KAT2B: variants seen among roughly 807,000 people sequenced by gnomAD.
KAT2B encodes histone acetyltransferase KAT2B.
Under a neutral mutation model 105.9 loss-of-function variants are expected in KAT2B, and 36 were observed. The ratio of observed to expected loss-of-function variants is 0.34; its 90% CI spans 0.26 to 0.45. The LOEUF (loss-of-function observed/expected upper bound fraction) is 0.45. Among genes scored for constraint, KAT2B ranks in the 20% least tolerant of loss-of-function variants. The pLI is 1.00. For missense variants in KAT2B, 820 were observed against 1,021.6 expected (o/e 0.80, Z 2.69); for synonymous variants, 397 against 377.9 (o/e 1.05, Z -0.59).
intron 1 of KAT2B, among the ~76,000 whole-genome samples, chr3:20,060,563 T>C (rs1164303799): frequency 6.6e-6 from 1 of 152,014 alleles, no homozygotes; most frequent in African/African-American, 2.4e-5. Context: ...ATCACGCCAT[T>C]GCACTCCAGC....
At position 20,153,513 on chromosome 3, in the gene KAT2B, G is replaced by C. The variant is rs1559336471; in HGVS notation, c.*988G>C. ...TCTCTCCAGATAATGTTTATTGTCTGAGGTAAATTAAATTCCCACCAGGGT... is the reference window on the plus strand; with the variant it reads ...TCTCTCCAGATAATGTTTATTGTCTCAGGTAAATTAAATTCCCACCAGGGT... On this transcript the variant is annotated 3_prime_UTR_variant, in exon 18 of 18. Coordinates refer to ENST00000263754, the MANE Select transcript of KAT2B (RefSeq NM_003884.5). 1 of 152,556 alleles carries C rather than the reference G, an allele frequency of 6.6e-6. No individual in the cohort carries two copies. The highest frequency in any genetic ancestry group is 1.5e-5 in the Non-Finnish European group (1 of 67,980). The allele number at this position is 152,556 out of a possible 1,614,324, so 9.5% of individuals were successfully genotyped here.
In KAT2B at chr3:20,040,546, G is replaced by C; in HGVS notation, c.69G>C (p.Gly23=). The C allele has an allele frequency of 2.9e-6, 3 of 1,034,496 alleles. No homozygotes were observed. Among genetic ancestry groups the C allele is most frequent in the South Asian group, 4.4e-5 (1 of 22,588 alleles). 64.1% of individuals were successfully genotyped at this position (1,034,496 alleles called of 1,614,324 possible). A position where few individuals can be genotyped will look rare whatever the true frequency, so the allele number is the denominator to read the frequency against. The change falls in exon 1 of 18, where the codon GGG becomes GGC. Residue 23 remains glycine (G), a synonymous_variant. Coordinates refer to ENST00000263754, the MANE Select transcript of KAT2B (RefSeq NM_003884.5). ...GAGAGAGAGP[G]ALPPQPAALP... ...GAGCCGGGGCAGGGGCCGGGCCCGG[G>C]GCGCTGCCCCCGCAGCCTGCGGCGC...
intron 2 of KAT2B, 55 bp downstream of exon 2, chr3:20,072,514 C>T: frequency 6.4e-7 from 1 of 1,551,402 alleles, no homozygotes; most frequent in South Asian, 1.1e-5. Context: ...GCGTGAGACT[C>T]TTAACTTACT....
intron 1 of KAT2B, among the ~76,000 whole-genome samples, chr3:20,053,989 G>A (rs1291935052): frequency 6.6e-6 from 1 of 151,998 alleles, no homozygotes; most frequent in Non-Finnish European, 1.5e-5. Context: ...GTAGAGATGG[G>A]GTCTCGCCAT....
chr3:20,146,426 A>C lies in KAT2B; in HGVS notation c.2115A>C (p.Gly705=). The change falls in exon 14 of 18, where the codon GGA becomes GGC. Residue 705 remains glycine (G), a synonymous_variant. Transcript: ENST00000263754. ...AGATTCCTATAGAAAGCATTCCTGG[A>C]ATTAGTACGTATAGACCTTCTTTTA... is the stretch of plus-strand genomic sequence containing the variant. ...VRQIPIESIP[G]IRETGWKPSG... is the part of the protein sequence containing the mutation. 8.2e-6 allele frequency: 13 copies of C among 1,586,270 alleles called. No individual in the cohort carries two copies. Among genetic ancestry groups the C allele is most frequent in the Non-Finnish European group, 1.1e-5 (13 of 1,154,790 alleles).
chr3:20,139,347 A>C (rs1189423482), intron 12 of KAT2B, among the ~76,000 whole-genome samples: 1 of 152,116 alleles, frequency 6.6e-6, no homozygotes, highest in Non-Finnish European at 1.5e-5. Context: ...GGTAAAACTC[A>C]CTGAGAACTT....
At chr3:20,070,060 C>A (rs995577107) in intron 1 of KAT2B, among the ~76,000 whole-genome samples, 2 of 152,076 alleles carry the variant, frequency 1.3e-5, no homozygotes, top group East Asian at 3.9e-4. Context: ...GTTGGGCCTT[C>A]CTGATGCCTA....
intron 7 of KAT2B, among the ~76,000 whole-genome samples, chr3:20,118,145 T>C (rs1312966493): frequency 1.4e-5 from 2 of 147,874 alleles, no homozygotes; most frequent in South Asian, 2.1e-4. Flanking sequence ...AAAAAAAATT[T>C]AGGAGAAAAA....
At chr3:20,081,872 T>G (rs1330863438) in intron 2 of KAT2B, among the ~76,000 whole-genome samples, 1 of 144,414 alleles carries the variant, frequency 6.9e-6, no homozygotes. Context: ...TTTGCTGTCA[T>G]TGGCTCATAT....
intron 5 of KAT2B, among the ~76,000 whole-genome samples, chr3:20,108,614 A>C (rs902117197): frequency 6.6e-6 from 1 of 152,192 alleles, no homozygotes; most frequent in African/African-American, 2.4e-5. Flanking sequence ...TATTCAGTAC[A>C]GTAATATGCT....
chr3:20,070,293 T>TTTTC (rs1168047280), intron 1 of KAT2B, among the ~76,000 whole-genome samples: 40 of 147,004 alleles, frequency 2.7e-4, no homozygotes, highest in Admixed American at 4.8e-4. Flanking sequence ...GTTTATTCTC[T>TTTTC]TTTCTTTCTT....
intron 4 of KAT2B, 29 bp from the exon 5 acceptor site, chr3:20,101,258 A>G (rs530131097): frequency 3.8e-6 from 6 of 1,597,142 alleles, no homozygotes; most frequent in African/African-American, 2.7e-5. Context: ...GCATAGCTGC[A>G]TGAAGAAATT....
chr3:20,065,671 G>A lies in KAT2B; in HGVS notation c.304-6662G>A, dbSNP rs1246616529. On this transcript the variant is annotated intron_variant, in intron 1 of 17. Transcript: ENST00000263754. ...CTTAGGTTGTTAGGTGTCCCATGGAGCATGCACACATGCAAGAACCAATTT... is the reference window on the plus strand; with the variant it reads ...CTTAGGTTGTTAGGTGTCCCATGGAACATGCACACATGCAAGAACCAATTT... Among the ~76,000 whole-genome samples, 5 of 152,134 alleles carry A rather than the reference G, an allele frequency of 3.3e-5. No homozygotes were observed. The East Asian group carries it at 9.6e-4, about 29-fold the overall frequency.
intron 2 of KAT2B, among the ~76,000 whole-genome samples, chr3:20,088,473 GAT>G (rs1698659548): frequency 6.6e-6 from 1 of 152,078 alleles, no homozygotes; most frequent in African/African-American, 2.4e-5. Context: ...ATCTCATTGT[GAT>G]TTTAATTTGC....
intron 1 of KAT2B, 66 bp from the exon 2 acceptor site, chr3:20,072,267 A>C: frequency 6.6e-7 from 1 of 1,521,292 alleles, no homozygotes; most frequent in Non-Finnish European, 9.1e-7. Context: ...CATTGTTCTC[A>C]TGTAAAACCA....
At chr3:20,059,174 A>G (rs2125170524) in intron 1 of KAT2B, among the ~76,000 whole-genome samples, 1 of 152,206 alleles carries the variant, frequency 6.6e-6, no homozygotes, top group South Asian at 2.1e-4. Context: ...GCACTTTGGG[A>G]GGCTGAGGTG....
At chr3:20,083,066 C>G (rs1341762166) in intron 2 of KAT2B, among the ~76,000 whole-genome samples, 1 of 152,040 alleles carries the variant, frequency 6.6e-6, no homozygotes, top group Admixed American at 6.6e-5. Context: ...AGGCAGAGCA[C>G]AGGAAAAAGG....
intron 2 of KAT2B, among the ~76,000 whole-genome samples, chr3:20,086,382 T>C (rs1344622579): frequency 6.6e-6 from 1 of 152,160 alleles, no homozygotes; most frequent in Non-Finnish European, 1.5e-5. Flanking sequence ...GAGGATCACT[T>C]GAGCCCAGGA....
Position 20,062,292 on chromosome 3 carries a change from A to G in KAT2B, c.304-10041A>G, listed in dbSNP as rs1360691073. 3.7e-5 allele frequency among the ~76,000 whole-genome samples: 2 copies of G among 53,680 alleles called. 1 individual carries two copies. The highest frequency in any genetic ancestry group is 8.5e-5 in the Non-Finnish European group (2 of 23,434). The allele number at this position is 53,680 out of a possible 152,430, so 35.2% of individuals were successfully genotyped here. A position where few individuals can be genotyped will look rare whatever the true frequency, so the allele number is the denominator to read the frequency against. On this transcript the variant is annotated intron_variant, in intron 1 of 17. Transcript: ENST00000263754. Reference sequence around the variant, plus strand: ...ATATATAATATATAAAATATAATATATAATATATAAAATATAATATATATA... The same window carrying G: ...ATATATAATATATAAAATATAATATGTAATATATAAAATATAATATATATA...
Sources: allele counts gnomAD v4.1 joint callset (sites outside exome capture counted in the v4.1 genomes callset), GRCh38; gene constraint gnomAD v4.1.1; transcripts MANE v1.5; gene names NCBI Gene and HGNC (gene_info 2026-07-23, HGNC 2026-07-21).